The following CSMD1 variants were observed in gnomAD, a reference collection of about 807,000 sequenced individuals.
The protein encoded by CSMD1 is CUB and sushi domain-containing protein 1.
In CSMD1, 213 loss-of-function variants were observed where a neutral mutation model predicts 417.5. The ratio of observed to expected loss-of-function variants is 0.51; its 90% CI spans 0.46 to 0.57. The LOEUF is 0.57. Among genes scored for constraint, CSMD1 ranks in the 20% least tolerant of loss-of-function variants. The pLI is 0.00. For missense variants in CSMD1, 6,923 were observed against 4,529.7 expected (o/e 1.53, Z -15.17); for synonymous variants, 2,862 against 1,736.8 (o/e 1.65, Z -16.11).
chr8:3,536,253 G>A (rs1798193967), intron 10 of CSMD1, among the ~76,000 whole-genome samples: 1 of 152,150 alleles, frequency 6.6e-6, no homozygotes, highest in African/African-American at 2.4e-5. Context: ...AATGAGCTGA[G>A]TTAATAAGTT....
At chr8:4,138,011 G>A (rs1647357) in intron 3 of CSMD1, among the ~76,000 whole-genome samples, 28,298 of 143,402 alleles carry the variant, frequency 0.2, 3,059 homozygotes, top group East Asian at 0.31. Flanking sequence ...CAGAGTAGCT[G>A]CGACTAGAGG....
chr8:3,166,296 C>T (rs566096441), intron 37 of CSMD1, among the ~76,000 whole-genome samples: 6 of 152,096 alleles, frequency 3.9e-5, no homozygotes, highest in East Asian at 3.9e-4. Flanking sequence ...TTTGGGAGGC[C>T]GAGGCAGGCA....
chr8:4,955,497 C>T (rs1310456474), intron 1 of CSMD1, among the ~76,000 whole-genome samples: 1 of 151,778 alleles, frequency 6.6e-6, no homozygotes, highest in Non-Finnish European at 1.5e-5. Flanking sequence ...ACTCTGTCAC[C>T]CAGGCTGGAG....
chr8:3,837,689 A>G (rs1802799965), intron 5 of CSMD1, among the ~76,000 whole-genome samples: 1 of 152,148 alleles, frequency 6.6e-6, no homozygotes, highest in Non-Finnish European at 1.5e-5. Flanking sequence ...GCTCTTGAGT[A>G]GGAAGAGTAA....
intron 7 of CSMD1, among the ~76,000 whole-genome samples, chr8:3,695,087 C>CATGTGTGTGTGTGTGTGT: frequency 6.9e-6 from 1 of 145,596 alleles, no homozygotes; most frequent in Middle Eastern, 3.6e-3. Context: ...GGAGGCCCTG[C>CATGTGTGTGTGTGTGTGT]GTGTGTGTGT....
chr8:3,763,457 CT>C (rs1386837740), intron 5 of CSMD1, among the ~76,000 whole-genome samples: 1 of 152,086 alleles, frequency 6.6e-6, no homozygotes, highest in Non-Finnish European at 1.5e-5. Flanking sequence ...GCACTCCCCC[CT>C]CTCCTCTCCT....
chr8:3,584,014 C>T (rs942833781), intron 9 of CSMD1, among the ~76,000 whole-genome samples: 1 of 151,984 alleles, frequency 6.6e-6, no homozygotes, highest in African/African-American at 2.4e-5. Flanking sequence ...TAAAACCCAT[C>T]CACTATAAAA....
At chr8:4,292,243 C>CGTT (rs144031542) in intron 3 of CSMD1, among the ~76,000 whole-genome samples, 12 of 152,008 alleles carry the variant, frequency 7.9e-5, no homozygotes, top group African/African-American at 2.7e-4. Flanking sequence ...TTGTTGTCGT[C>CGTT]GTTGTTGTTG....
At chr8:3,822,480 A>T (rs1177371777) in intron 5 of CSMD1, among the ~76,000 whole-genome samples, 1 of 152,226 alleles carries the variant, frequency 6.6e-6, no homozygotes, top group African/African-American at 2.4e-5. Flanking sequence ...CTGTAATTTC[A>T]GGATAGACAA....
At chr8:3,670,991 G>C (rs201786149) in intron 7 of CSMD1, among the ~76,000 whole-genome samples, 1 of 129,646 alleles carries the variant, frequency 7.7e-6, no homozygotes. Flanking sequence ...ATGTATATGG[G>C]ATATATATGT....
chr8:4,817,691 C>A (rs754961164), intron 1 of CSMD1, among the ~76,000 whole-genome samples: 22 of 152,168 alleles, frequency 1.4e-4, no homozygotes, highest in Non-Finnish European at 2.8e-4. Flanking sequence ...ATAATGCTAT[C>A]ACAATCAATA....
At position 4,635,009 on chromosome 8, in the gene CSMD1, A is replaced by G. The variant is rs116532890; in HGVS notation, c.302+2333T>C. ...GCATTCTACGTATGCGGATAGGAGG[A>G]AGAAATATAAAATGGAATATCAAGA... On this transcript the variant is annotated intron_variant, in intron 2 of 69. Transcript: ENST00000635120. Among the ~76,000 whole-genome samples, 668 of 152,258 alleles carry G rather than the reference A, an allele frequency of 4.4e-3. 4 individuals carry two copies. The highest frequency in any genetic ancestry group is 0.015 in the African/African-American group (637 of 41,538).
chr8:3,255,048 T>C (rs1800549375), intron 26 of CSMD1, among the ~76,000 whole-genome samples: 1 of 152,202 alleles, frequency 6.6e-6, no homozygotes, highest in South Asian at 2.1e-4. Flanking sequence ...GATGGGGTTT[T>C]GGTGTGGATG....
At chr8:4,006,521 C>A (rs1231531239) in intron 4 of CSMD1, among the ~76,000 whole-genome samples, 1 of 152,068 alleles carries the variant, frequency 6.6e-6, no homozygotes, top group Admixed American at 6.6e-5. Context: ...TTGGCCTGAG[C>A]GACAGAGTGA....
At chr8:3,926,685 A>C (rs1185966056) in intron 5 of CSMD1, among the ~76,000 whole-genome samples, 1 of 149,948 alleles carries the variant, frequency 6.7e-6, no homozygotes, top group Non-Finnish European at 1.5e-5. Context: ...ACATTTGAAA[A>C]CGCAATTAAA....
At chr8:4,272,628 G>A (rs753855698) in intron 3 of CSMD1, among the ~76,000 whole-genome samples, 3 of 152,120 alleles carry the variant, frequency 2.0e-5, no homozygotes, top group Non-Finnish European at 2.9e-5. Context: ...GTTGAATTAG[G>A]TGAGAAATAA....
At chr8:3,515,735 G>C (rs960220059) in intron 10 of CSMD1, among the ~76,000 whole-genome samples, 13 of 152,134 alleles carry the variant, frequency 8.5e-5, no homozygotes, top group Admixed American at 2.6e-4. Flanking sequence ...CATTAATTCA[G>C]GTGTATGCCT....
chr8:2,956,409 A>T (rs192518973), intron 63 of CSMD1, among the ~76,000 whole-genome samples: 2 of 152,058 alleles, frequency 1.3e-5, no homozygotes, highest in East Asian at 3.9e-4. Flanking sequence ...AAGGATTGAC[A>T]TATTATTATA....
At chr8:3,084,966 A>G (rs1041951339) in intron 49 of CSMD1, among the ~76,000 whole-genome samples, 1 of 151,912 alleles carries the variant, frequency 6.6e-6, no homozygotes, top group Non-Finnish European at 1.5e-5. Context: ...TTAAAATGCT[A>G]TTTTACACAA....
Sources: gnomAD v4.1 joint callset for allele counts (sites outside exome capture counted in the v4.1 genomes callset) on GRCh38, gnomAD v4.1.1 for gene constraint, MANE v1.5 for transcripts, NCBI Gene and HGNC (gene_info 2026-07-23, HGNC 2026-07-21) for gene names.